The following PARP8 variants were observed in gnomAD, a reference collection of about 807,000 sequenced individuals.
The protein encoded by PARP8 is protein mono-ADP-ribosyltransferase PARP8.
Under a neutral mutation model 124.1 loss-of-function variants are expected in PARP8, and 51 were observed. The ratio of observed to expected loss-of-function variants is 0.41; its 90% CI spans 0.33 to 0.52. The LOEUF (loss-of-function observed/expected upper bound fraction) is 0.52. PARP8 is among the 20% of genes least tolerant of loss of function. The probability of loss-of-function intolerance (pLI) is 0.21; values close to 1 mark genes in which losing one functional copy is unlikely to be tolerated. For synonymous variants in PARP8, 391 were observed against 361.5 expected (o/e 1.08, Z -0.93); for missense variants, 860 against 1,018.9 (o/e 0.84, Z 2.12).
intron 2 of PARP8, among the ~76,000 whole-genome samples, chr5:50,692,327 A>G (rs962494841): frequency 2.0e-5 from 3 of 151,980 alleles, no homozygotes; most frequent in African/African-American, 4.8e-5. Flanking sequence ...TGCATTGTCT[A>G]TTCCTGTTTA....
At position 50,826,811 on chromosome 5, in the gene PARP8, GTT is replaced by G. The variant is rs35290606; in HGVS notation, c.1977+21_1977+22del. Reference sequence around the variant, plus strand: ...AAACTGCCAGTTAACAGGGTAAGTTGTTTTTTTTTTTTTTACATATGCATACA... The same window carrying G: ...AAACTGCCAGTTAACAGGGTAAGTTGTTTTTTTTTTTTACATATGCATACA... On this transcript the variant is annotated intron_variant, in intron 19 of 25. Transcript: ENST00000281631. 6.0e-3 allele frequency: 8,399 copies of G among 1,408,374 alleles called. 80 individuals carry two copies. The African/African-American group carries it at 0.064, about 11-fold the overall frequency. The allele number at this position is 1,408,374 out of a possible 1,614,324, so 87.2% of individuals were successfully genotyped here.
intron 3 of PARP8, among the ~76,000 whole-genome samples, chr5:50,758,582 G>T (rs147148743): frequency 3.3e-5 from 5 of 152,104 alleles, no homozygotes; most frequent in African/African-American, 4.8e-5. Flanking sequence ...CATTCCCTGC[G>T]CCATAAGAAC....
chr5:50,696,848 CG>C (rs542938125), intron 2 of PARP8, among the ~76,000 whole-genome samples: 352 of 152,144 alleles, frequency 2.3e-3, no homozygotes, highest in Non-Finnish European at 3.7e-3. Context: ...ATGTAGCTGC[CG>C]TCAGCCCCTC....
At chr5:50,785,011 A>G (rs1204525509) in intron 9 of PARP8, among the ~76,000 whole-genome samples, 1 of 151,988 alleles carries the variant, frequency 6.6e-6, no homozygotes, top group Non-Finnish European at 1.5e-5. Context: ...GTTTATTAAC[A>G]TCTTTCATTA....
chr5:50,747,150 G>GTTTTTTT (rs1561320439), intron 2 of PARP8, among the ~76,000 whole-genome samples: 2 of 38,482 alleles, frequency 5.2e-5, no homozygotes, highest in African/African-American at 1.4e-4. Flanking sequence ...GGTTTTTTTT[G>GTTTTTTT]TTTGTTTGTT....
rs966069867 is a variant in PARP8 at position 50,845,288 on chromosome 5, T to G, written c.*3220T>G. 2.0e-5 allele frequency: 3 copies of G among 151,726 alleles called. No homozygotes were observed. Among genetic ancestry groups the G allele is most frequent in the African/African-American group, 7.2e-5 (3 of 41,408 alleles). The allele number at this position is 151,726 out of a possible 1,614,324, so 9.4% of individuals were successfully genotyped here. A position where few individuals can be genotyped will look rare whatever the true frequency, so the allele number is the denominator to read the frequency against. On this transcript the variant is annotated 3_prime_UTR_variant, in exon 26 of 26. Coordinates refer to ENST00000281631, the MANE Select transcript of PARP8 (RefSeq NM_024615.4). ...TTAGAGCATGGGGTTTCAGAAAGTT[T>G]TGACGAAAAACTCATCTTCATTAAA...
At chr5:50,834,091 C>G (rs370551495) in intron 24 of PARP8, 43 bp downstream of exon 24, 148 of 1,418,464 alleles carry the variant, frequency 1.0e-4, no homozygotes, top group Non-Finnish European at 1.3e-4. Flanking sequence ...TAGTTCCTAG[C>G]TCATCTATAA....
intron 2 of PARP8, among the ~76,000 whole-genome samples, chr5:50,733,643 T>C (rs1295808962): frequency 6.6e-6 from 1 of 152,170 alleles, no homozygotes; most frequent in Non-Finnish European, 1.5e-5. Flanking sequence ...AAATAGTTAC[T>C]CAGTTATTGA....
intron 2 of PARP8, among the ~76,000 whole-genome samples, chr5:50,680,636 C>T (rs1052684662): frequency 4.6e-5 from 7 of 152,172 alleles, no homozygotes; most frequent in African/African-American, 1.4e-4. Flanking sequence ...CTCACACATT[C>T]CATAAATAAA....
intron 2 of PARP8, among the ~76,000 whole-genome samples, chr5:50,676,456 A>G (rs1326671825): frequency 6.6e-6 from 1 of 152,114 alleles, no homozygotes; most frequent in Non-Finnish European, 1.5e-5. Flanking sequence ...AGGGCTCTCA[A>G]CCTTTCTTAT....
intron 10 of PARP8, among the ~76,000 whole-genome samples, chr5:50,793,147 C>T (rs1742150950): frequency 6.6e-6 from 1 of 152,070 alleles, no homozygotes; most frequent in Non-Finnish European, 1.5e-5. Flanking sequence ...CAAAAATGTG[C>T]ATATAACATT....
intron 2 of PARP8, among the ~76,000 whole-genome samples, chr5:50,695,667 G>A (rs1029863273): frequency 2.2e-5 from 3 of 134,458 alleles, no homozygotes; most frequent in Non-Finnish European, 5.0e-5. Flanking sequence ...GTTCAGTAAT[G>A]GACTATTTCT....
chr5:50,800,906 G>A (rs1357113632), intron 14 of PARP8, among the ~76,000 whole-genome samples: 1 of 151,092 alleles, frequency 6.6e-6, no homozygotes, highest in East Asian at 2.0e-4. Flanking sequence ...ACAGGTACAT[G>A]CCACCATGCC....
intron 3 of PARP8, among the ~76,000 whole-genome samples, chr5:50,751,901 G>T (rs1396209514): frequency 6.6e-6 from 1 of 152,040 alleles, no homozygotes; most frequent in African/African-American, 2.4e-5. Context: ...ACTAAGAGTT[G>T]TTGGTTAATA....
rs150599848 is a variant in PARP8 at position 50,828,987 on chromosome 5, A to G, written c.2163+603A>G. On this transcript the variant is annotated intron_variant, in intron 21 of 25. Transcript: ENST00000281631. ...CTTTTTACTTAAGTAGAAAAACATTATCATGCACAAAGTAAAATCATACAG... is the reference window on the plus strand; with the variant it reads ...CTTTTTACTTAAGTAGAAAAACATTGTCATGCACAAAGTAAAATCATACAG... 1.2e-4 allele frequency among the ~76,000 whole-genome samples: 18 copies of G among 152,338 alleles called. No homozygotes were observed. The East Asian group carries it at 3.3e-3, about 28-fold the overall frequency.
At chr5:50,801,015 C>G (rs1354242328) in intron 14 of PARP8, among the ~76,000 whole-genome samples, 1 of 151,976 alleles carries the variant, frequency 6.6e-6, no homozygotes, top group Non-Finnish European at 1.5e-5. Flanking sequence ...GCCTTAGCCT[C>G]TCAAAGTGTT....
intron 4 of PARP8, 151 bp downstream of exon 4, chr5:50,759,883 A>AT (rs1218031971): frequency 3.0e-6 from 3 of 1,012,394 alleles, no homozygotes; most frequent in African/African-American, 1.7e-5. Context: ...TCTAAAGTAC[A>AT]TTTTTTAACA....
At chr5:50,708,001 CTG>C (rs1367338986) in intron 2 of PARP8, among the ~76,000 whole-genome samples, 1 of 152,088 alleles carries the variant, frequency 6.6e-6, no homozygotes. Context: ...ATTACAATGA[CTG>C]TACTGTTACA....
chr5:50,711,886 T>C (rs1754802454), intron 2 of PARP8, among the ~76,000 whole-genome samples: 1 of 152,146 alleles, frequency 6.6e-6, no homozygotes, highest in African/African-American at 2.4e-5. Flanking sequence ...CTCTTTTCTC[T>C]TTTAAGCGAG....
Sources: allele counts gnomAD v4.1 joint callset (sites outside exome capture counted in the v4.1 genomes callset), GRCh38; gene constraint gnomAD v4.1.1; transcripts MANE v1.5; gene names NCBI Gene and HGNC (gene_info 2026-07-23, HGNC 2026-07-21).